The following ZNF438 variants were observed in gnomAD, a reference collection of about 807,000 sequenced individuals.
ZNF438 encodes zinc finger protein 438.
ZNF438 carries 25 observed loss-of-function variants against 38.0 expected under a neutral mutation model. That is an observed-to-expected ratio of 0.66 (90% confidence interval 0.48 to 0.92). The LOEUF (loss-of-function observed/expected upper bound fraction) is 0.92. Among genes scored for constraint, ZNF438 ranks in the 40% least tolerant of loss-of-function variants. The pLI is 0.00. For synonymous variants in ZNF438, 372 were observed against 364.1 expected, an observed-to-expected ratio of 1.02 and a Z score of -0.25; for missense variants, 1,007 against 999.6, an observed-to-expected ratio of 1.01 and a Z score of -0.10.
chr10:30,935,170 A>C (rs56261815), intron 2 of ZNF438, among the ~76,000 whole-genome samples: 12,089 of 152,352 alleles, frequency 0.079, 574 homozygotes, highest in Non-Finnish European at 0.11. Flanking sequence ...TCCATATTAC[A>C]GATGAGGAAA....
chr10:30,863,171 G>A (rs1361707909), intron 4 of ZNF438, among the ~76,000 whole-genome samples: 1 of 152,206 alleles, frequency 6.6e-6, no homozygotes, highest in African/African-American at 2.4e-5. Context: ...CTGTTATGCT[G>A]ATAATTATTC....
At chr10:31,007,797 G>A (rs905549420) in intron 1 of ZNF438, among the ~76,000 whole-genome samples, 4 of 152,170 alleles carry the variant, frequency 2.6e-5, no homozygotes, top group Non-Finnish European at 1.5e-5. Context: ...TAATAGCACT[G>A]AAACCAAATA....
chr10:30,898,637 G>A (rs2934634), intron 3 of ZNF438, among the ~76,000 whole-genome samples: 19,088 of 152,018 alleles, frequency 0.13, 1,599 homozygotes, highest in Middle Eastern at 0.24. Context: ...GGGGGGGAAC[G>A]CTTAGTTAGA....
At chr10:30,981,718 A>T (rs1175905493) in intron 1 of ZNF438, among the ~76,000 whole-genome samples, 2 of 152,062 alleles carry the variant, frequency 1.3e-5, no homozygotes, top group African/African-American at 4.8e-5. Context: ...TCTACTAAAA[A>T]TACAAAAAAA....
chr10:30,854,668 A>G (rs1230335121), intron 4 of ZNF438, among the ~76,000 whole-genome samples: 1 of 152,240 alleles, frequency 6.6e-6, no homozygotes, highest in Non-Finnish European at 1.5e-5. Context: ...GCTAATAATC[A>G]ACTACCTACC....
intron 2 of ZNF438, among the ~76,000 whole-genome samples, chr10:30,917,374 C>T (rs1285984823): frequency 6.6e-6 from 1 of 152,042 alleles, no homozygotes; most frequent in African/African-American, 2.4e-5. Flanking sequence ...AGGCAAATAT[C>T]TAGGAGAACT....
exon 5 of ZNF438, chr10:30,850,108 A>G (rs1249339846): frequency 1.2e-6 from 2 of 1,614,022 alleles, no homozygotes; most frequent in East Asian, 4.5e-5. Context: ...CTGAGGCAAC[A>G]TGTGGCAGAG....
intron 1 of ZNF438, among the ~76,000 whole-genome samples, chr10:31,004,772 G>C (rs990554658): frequency 6.6e-6 from 1 of 152,124 alleles, no homozygotes; most frequent in Non-Finnish European, 1.5e-5. Context: ...GGAAGGAACT[G>C]GTAACAGAAA....
chr10:30,955,289 A>G (rs1470612663), intron 1 of ZNF438, among the ~76,000 whole-genome samples: 2 of 152,218 alleles, frequency 1.3e-5, no homozygotes, highest in Non-Finnish European at 2.9e-5. Context: ...CAGATAGTGG[A>G]CTGTGGTGGA....
chr10:31,019,127 CTA>C (rs1005845185), intron 1 of ZNF438, among the ~76,000 whole-genome samples: 1 of 152,188 alleles, frequency 6.6e-6, no homozygotes, highest in Non-Finnish European at 1.5e-5. Flanking sequence ...CTCATACAAT[CTA>C]TTCTCCATAG....
chr10:30,860,874 G>A (rs905662411), intron 4 of ZNF438, among the ~76,000 whole-genome samples: 2 of 152,190 alleles, frequency 1.3e-5, no homozygotes, highest in African/African-American at 2.4e-5. Context: ...GTTCAAGAAA[G>A]TGGGGTAAGT....
intron 1 of ZNF438, among the ~76,000 whole-genome samples, chr10:31,030,870 CGAT>C (rs2057247059): frequency 6.6e-6 from 1 of 152,142 alleles, no homozygotes; most frequent in African/African-American, 2.4e-5. Context: ...CAGTCAGATA[CGAT>C]GATTGGATAT....
chr10:30,979,402 G>T (rs746393583), intron 1 of ZNF438, among the ~76,000 whole-genome samples: 4 of 152,148 alleles, frequency 2.6e-5, no homozygotes, highest in Non-Finnish European at 5.9e-5. Context: ...CACAAAACTG[G>T]ATAGAACTAC....
chr10:30,847,864 A>G lies in ZNF438; in HGVS notation c.1874+667T>C, dbSNP rs538184435. Among the ~76,000 whole-genome samples the G allele has an allele frequency of 3.3e-5, 5 of 152,020 alleles. No homozygotes were observed. The South Asian group carries it at 8.3e-4, about 25-fold the overall frequency. ...CCCCACGCTCACTCACACATCCCTC[A>G]CCACTCTGTGCCTGGCTCGCCCTTG... On this transcript the variant is annotated intron_variant, in intron 5 of 5. Coordinates refer to ENST00000413025, the Ensembl canonical transcript of ZNF438.
chr10:30,999,144 C>T (rs1235950315), intron 1 of ZNF438, among the ~76,000 whole-genome samples: 1 of 151,976 alleles, frequency 6.6e-6, no homozygotes, highest in African/African-American at 2.4e-5. Flanking sequence ...TTTTGAAGCC[C>T]AAAACATTTT....
At chr10:31,020,442 G>A (rs923284657) in intron 1 of ZNF438, among the ~76,000 whole-genome samples, 2 of 152,146 alleles carry the variant, frequency 1.3e-5, no homozygotes, top group Non-Finnish European at 2.9e-5. Context: ...ACATTGCTTG[G>A]TGATTGGATA....
intron 1 of ZNF438, among the ~76,000 whole-genome samples, chr10:31,016,542 T>C (rs1008287160): frequency 1.3e-5 from 2 of 152,204 alleles, no homozygotes; most frequent in African/African-American, 2.4e-5. Context: ...GAAAGGTAAG[T>C]AGCTTTGCTC....
intron 1 of ZNF438, among the ~76,000 whole-genome samples, chr10:30,972,096 A>G (rs2050805609): frequency 1.3e-5 from 2 of 151,694 alleles, no homozygotes; most frequent in African/African-American, 4.8e-5. Flanking sequence ...CAGTCTCCCG[A>G]GTAGCTGGGA....
chr10:30,988,628 A>G (rs181803519), intron 1 of ZNF438, among the ~76,000 whole-genome samples: 3 of 152,286 alleles, frequency 2.0e-5, no homozygotes, highest in Admixed American at 2.0e-4. Flanking sequence ...TTTAATGTTA[A>G]AACAGTTTTG....
Sources: gnomAD v4.1 joint callset for allele counts (sites outside exome capture counted in the v4.1 genomes callset) on GRCh38, gnomAD v4.1.1 for gene constraint, MANE v1.5 for transcripts, NCBI Gene and HGNC (gene_info 2026-07-23, HGNC 2026-07-21) for gene names.